Variants in USH2A observed in about 807,000 individuals in gnomAD.
USH2A encodes the protein usherin.
A neutral mutation model predicts 538.9 loss-of-function variants in USH2A; 443 were observed. The observed-to-expected ratio is 0.82, with a 90% CI of 0.76 to 0.89. USH2A has a LOEUF of 0.89. Among genes scored for constraint, USH2A ranks in the 40% least tolerant of loss-of-function variants. The probability of loss-of-function intolerance (pLI) is 0.00; values close to 1 mark genes in which losing one functional copy is unlikely to be tolerated. For synonymous variants in USH2A, 2,413 were observed against 2,273.5 expected (o/e 1.06, Z -1.75); for missense variants, 6,633 against 6,324.8 (o/e 1.05, Z -1.65).
intron 37 of USH2A, among the ~76,000 whole-genome samples, chr1:215,960,367 A>G (rs545757388): frequency 1.5e-4 from 23 of 152,242 alleles, no homozygotes; most frequent in East Asian, 9.6e-4. Context: ...TTTAAAAATT[A>G]TATATTCAAT....
chr1:216,175,067 G>T, intron 21 of USH2A, 185 bp downstream of exon 21: 1 of 1,434,074 alleles, frequency 7.0e-7, no homozygotes, highest in South Asian at 1.5e-5. Flanking sequence ...TCACTTACCT[G>T]ACTTTTTTCC....
intron 20 of USH2A, among the ~76,000 whole-genome samples, chr1:216,181,824 A>G (rs1487171915): frequency 6.6e-6 from 1 of 152,036 alleles, no homozygotes; most frequent in Non-Finnish European, 1.5e-5. Context: ...TTTCTTCATC[A>G]TTTTCAAGTC....
At chr1:216,369,896 C>T (rs2038669386) in intron 3 of USH2A, among the ~76,000 whole-genome samples, 1 of 135,658 alleles carries the variant, frequency 7.4e-6, no homozygotes, top group Non-Finnish European at 1.5e-5. Flanking sequence ...GCACTACAGC[C>T]TGGGTGACAG....
At chr1:215,897,631 G>A (rs1309934738) in intron 40 of USH2A, among the ~76,000 whole-genome samples, 1 of 152,058 alleles carries the variant, frequency 6.6e-6, no homozygotes, top group Non-Finnish European at 1.5e-5. Flanking sequence ...AGAGGTTGCA[G>A]TGAGCTGACA....
At chr1:216,421,790 A>G in intron 2 of USH2A, 62 bp downstream of exon 2, 1 of 1,612,692 alleles carries the variant, frequency 6.2e-7, no homozygotes, top group Non-Finnish European at 8.5e-7. Context: ...TCAGGCTGAA[A>G]TGATCTTCAC....
chr1:215,665,417 G>T (rs1220705263), intron 64 of USH2A, among the ~76,000 whole-genome samples: 2 of 152,150 alleles, frequency 1.3e-5, no homozygotes, highest in African/African-American at 4.8e-5. Flanking sequence ...CTGTCAAAGT[G>T]AGATAGTTTC....
chr1:216,109,195 T>A (rs1037666386), intron 21 of USH2A, among the ~76,000 whole-genome samples: 2 of 152,200 alleles, frequency 1.3e-5, no homozygotes, highest in Non-Finnish European at 2.9e-5. Flanking sequence ...CAACTGACTT[T>A]ATCTTAGCAA....
In USH2A at chr1:215,941,846, T is replaced by C. The variant is rs1203989272; in HGVS notation, c.7121-7051A>G. ...AACGACTTGGGGGTCTGGATGAGAATGATATCATGTTTTGCTGTTGAATTC... is the reference window on the plus strand; with the variant it reads ...AACGACTTGGGGGTCTGGATGAGAACGATATCATGTTTTGCTGTTGAATTC... On this transcript the variant is annotated intron_variant, in intron 37 of 71. Coordinates refer to ENST00000307340, the MANE Select transcript of USH2A (RefSeq NM_206933.4). 2.0e-5 allele frequency among the ~76,000 whole-genome samples: 3 copies of C among 152,274 alleles called. No individual in the cohort carries two copies. The South Asian group carries it at 6.2e-4, about 32-fold the overall frequency.
At chr1:215,932,421 A>AT (rs2102497675) in intron 38 of USH2A, among the ~76,000 whole-genome samples, 1 of 152,134 alleles carries the variant, frequency 6.6e-6, no homozygotes, top group African/African-American at 2.4e-5. Flanking sequence ...TTTCAGCATG[A>AT]TTTTTATGTG....
intron 37 of USH2A, among the ~76,000 whole-genome samples, chr1:215,957,244 A>C (rs1667090294): frequency 6.6e-6 from 1 of 152,242 alleles, no homozygotes; most frequent in South Asian, 2.1e-4. Flanking sequence ...ATTCTCCCAC[A>C]GTTTTTATTC....
intron 32 of USH2A, among the ~76,000 whole-genome samples, chr1:216,042,629 T>G (rs946502716): frequency 1.3e-5 from 2 of 152,076 alleles, no homozygotes; most frequent in Non-Finnish European, 2.9e-5. Context: ...AGACTTAAAC[T>G]GCCCATAGAA....
chr1:215,694,660 A>C (rs997355985), intron 61 of USH2A, among the ~76,000 whole-genome samples: 5 of 152,196 alleles, frequency 3.3e-5, no homozygotes, highest in Admixed American at 3.3e-4. Context: ...GTTTGAATTT[A>C]CTCACAGGTC....
chr1:216,236,852 T>C (rs1017060554), intron 13 of USH2A, among the ~76,000 whole-genome samples: 3 of 152,184 alleles, frequency 2.0e-5, no homozygotes, highest in Non-Finnish European at 4.4e-5. Flanking sequence ...GGGAAAACAT[T>C]ATTGGAATTT....
chr1:215,953,500 T>C (rs1666983234), intron 37 of USH2A, among the ~76,000 whole-genome samples: 1 of 152,190 alleles, frequency 6.6e-6, no homozygotes, highest in Non-Finnish European at 1.5e-5. Context: ...CTGGGAAAAC[T>C]GGCTAGCCAT....
At chr1:216,175,177 T>C (rs1289492273) in intron 21 of USH2A, 75 bp downstream of exon 21, 1 of 1,594,898 alleles carries the variant, frequency 6.3e-7, no homozygotes, top group African/African-American at 1.3e-5. Context: ...AAATTCATTG[T>C]AAAGGGATAT....
At chr1:216,396,591 T>A (rs2039217911) in intron 3 of USH2A, among the ~76,000 whole-genome samples, 1 of 152,178 alleles carries the variant, frequency 6.6e-6, no homozygotes. Flanking sequence ...ATTTTAATCA[T>A]TACACGAACC....
intron 19 of USH2A, among the ~76,000 whole-genome samples, chr1:216,193,529 G>A (rs1172776480): frequency 6.6e-6 from 1 of 152,034 alleles, no homozygotes; most frequent in East Asian, 1.9e-4. Context: ...CAAAAATTCA[G>A]AATAAGACCT....
At chr1:216,100,163 G>A (rs530723989) in intron 21 of USH2A, among the ~76,000 whole-genome samples, 4 of 152,222 alleles carry the variant, frequency 2.6e-5, no homozygotes, top group African/African-American at 7.2e-5. Context: ...AAAAACTTAC[G>A]GAGCTGGTAA....
At chr1:216,333,905 A>G (rs1050470372) in intron 4 of USH2A, among the ~76,000 whole-genome samples, 4 of 152,122 alleles carry the variant, frequency 2.6e-5, no homozygotes, top group African/African-American at 9.7e-5. Context: ...TTTCCAGATA[A>G]AGAAATATTG....
Sources: allele counts gnomAD v4.1 joint callset (sites outside exome capture counted in the v4.1 genomes callset), GRCh38; gene constraint gnomAD v4.1.1; transcripts MANE v1.5; gene names NCBI Gene and HGNC (gene_info 2026-07-23, HGNC 2026-07-21).